The following DDX60 variants were observed in gnomAD, a reference collection of about 807,000 sequenced individuals.
DDX60 encodes DExD/H-box helicase 60.
Under a neutral mutation model 212.8 loss-of-function variants are expected in DDX60, and 165 were observed. The observed-to-expected ratio is 0.78, with a 90% CI of 0.68 to 0.88. The LOEUF (loss-of-function observed/expected upper bound fraction) is 0.88, where lower values mean the gene tolerates loss of function less well. Ranked by LOEUF, DDX60 falls within the 40% of genes least tolerant of loss-of-function variation. DDX60 has a pLI of 0.00. For missense variants in DDX60, 1,905 were observed against 2,003.9 expected (o/e 0.95, Z 0.94); for synonymous variants, 703 against 685.3 (o/e 1.03, Z -0.40).
intron 6 of DDX60, among the ~76,000 whole-genome samples, chr4:168,295,570 C>A (rs1241222797): frequency 6.6e-6 from 1 of 152,190 alleles, no homozygotes; most frequent in African/African-American, 2.4e-5. Context: ...ATGAGGCACC[C>A]CTGGAGTCTC....
At chr4:168,275,206 C>T in intron 16 of DDX60, 139 bp downstream of exon 16, 1 of 825,530 alleles carries the variant, frequency 1.2e-6, no homozygotes, top group Non-Finnish European at 1.8e-6. Context: ...AAATAGTCCA[C>T]ATTTGACATT....
Position 168,273,377 on chromosome 4 carries a change from C to T in DDX60, c.2476G>A (p.Ala826Thr). Residue 826 changes from alanine to threonine, a missense_variant, in exon 18 of 38, where the codon GCA becomes ACA. Transcript: ENST00000393743. ...TTCGTAAAACGATTCTGAACAGTTG[C>T]TGCCACTTGATTAACAAGGGCCTGA... is the stretch of plus-strand genomic sequence containing the variant. ...PTKALVNQVAATVQNRFTKNL... is the reference protein window; with the variant it reads ...PTKALVNQVATTVQNRFTKNL... 2 of 1,613,832 alleles carry T rather than the reference C, an allele frequency of 1.2e-6. No individual in the cohort carries two copies. Among genetic ancestry groups the T allele is most frequent in the Non-Finnish European group, 8.5e-7 (1 of 1,179,830 alleles).
chr4:168,252,419 G>A, intron 27 of DDX60, 90 bp downstream of exon 27: 1 of 1,421,122 alleles, frequency 7.0e-7, no homozygotes, highest in South Asian at 1.2e-5. Context: ...ATTATATTAT[G>A]CATATATCTT....
intron 16 of DDX60, among the ~76,000 whole-genome samples, chr4:168,274,539 A>G (rs1735245968): frequency 6.6e-6 from 1 of 152,192 alleles, no homozygotes; most frequent in Admixed American, 6.5e-5. Flanking sequence ...CTAGCCGAAG[A>G]ATGATAATAA....
At chr4:168,262,856 A>G in intron 22 of DDX60, 69 bp from the exon 23 acceptor site, 1 of 1,066,876 alleles carries the variant, frequency 9.4e-7, no homozygotes, top group Non-Finnish European at 1.3e-6. Context: ...CCTCTTAGTC[A>G]CTATCATAAC....
At chr4:168,248,571 C>G (rs1233213149) in intron 28 of DDX60, among the ~76,000 whole-genome samples, 1 of 152,144 alleles carries the variant, frequency 6.6e-6, no homozygotes, top group African/African-American at 2.4e-5. Flanking sequence ...CTGTAGCTCA[C>G]CACATCCAAA....
chr4:168,267,151 T>TCATGTCGTG (rs2149515480), intron 22 of DDX60, among the ~76,000 whole-genome samples: 1 of 152,284 alleles, frequency 6.6e-6, no homozygotes, highest in South Asian at 2.1e-4. Context: ...ACCAAAAAAA[T>TCATGTCGTG]CATGTCGTGA....
Position 168,276,187 on chromosome 4 carries a change from T to C in DDX60, c.1979-6A>G, listed in dbSNP as rs746899892. On this transcript the variant is annotated splice_region_variant and splice_polypyrimidine_tract_variant and intron_variant, in intron 14 of 37. Transcript: ENST00000393743. ...TAAATCTTTCGTGGTTTTACCTTGA[T>C]AAACAATAAACAATAAAATTGTTAT... is the stretch of plus-strand genomic sequence containing the variant. 2.5e-6 allele frequency: 4 copies of C among 1,578,366 alleles called. No homozygotes were observed. Among genetic ancestry groups the C allele is most frequent in the Admixed American group, 3.6e-5 (2 of 56,302 alleles).
chr4:168,271,929 G>T (rs1287298067), intron 19 of DDX60, 114 bp downstream of exon 19: 12 of 795,882 alleles, frequency 1.5e-5, no homozygotes, highest in African/African-American at 3.5e-5. Flanking sequence ...AAAAACGGAG[G>T]CCTTCTCAAT....
chr4:168,284,769 G>A, intron 12 of DDX60, 51 bp downstream of exon 12: 2 of 885,410 alleles, frequency 2.3e-6, no homozygotes, highest in South Asian at 5.4e-5. Context: ...AAAATAAGAG[G>A]CAGAGAGTAA....
chr4:168,233,775 G>A (rs1368564256), intron 33 of DDX60, among the ~76,000 whole-genome samples: 2 of 152,114 alleles, frequency 1.3e-5, no homozygotes, highest in South Asian at 4.1e-4. Flanking sequence ...CTTAGGTGAT[G>A]GGTGCACCAA....
chr4:168,225,472 T>C lies in DDX60; in HGVS notation c.4681+57A>G, dbSNP rs866447833. 6.7e-6 allele frequency: 10 copies of C among 1,503,524 alleles called. No individual in the cohort carries two copies. The South Asian group carries it at 1.3e-4, about 19-fold the overall frequency. The allele number at this position is 1,503,524 out of a possible 1,614,324, so 93.1% of individuals were successfully genotyped here. On this transcript the variant is annotated intron_variant, in intron 34 of 37. Transcript: ENST00000393743. ...ACTCTTCTTCCAGAATAAACTATTC[T>C]TAGGCAAGATTATTTATTCTTCAAA...
chr4:168,263,998 G>T (rs144540810), intron 22 of DDX60, among the ~76,000 whole-genome samples: 1 of 152,150 alleles, frequency 6.6e-6, no homozygotes, highest in East Asian at 1.9e-4. Flanking sequence ...TTTGACAATA[G>T]GGCACTTGCT....
chr4:168,278,739 G>A (rs1005865504), intron 14 of DDX60, among the ~76,000 whole-genome samples: 31 of 152,214 alleles, frequency 2.0e-4, no homozygotes, highest in Admixed American at 5.9e-4. Flanking sequence ...TGAGGCAGCA[G>A]AATAGCTTGA....
At chr4:168,284,532 T>C (rs1213496232) in intron 12 of DDX60, among the ~76,000 whole-genome samples, 1 of 152,194 alleles carries the variant, frequency 6.6e-6, no homozygotes, top group Non-Finnish European at 1.5e-5. Context: ...GGTCTCAATA[T>C]ATATGACTCC....
chr4:168,262,504 C>T (rs907116308), intron 23 of DDX60, among the ~76,000 whole-genome samples, 179 bp downstream of exon 23: 4 of 147,880 alleles, frequency 2.7e-5, no homozygotes, highest in Admixed American at 2.7e-4. Flanking sequence ...AAATAAAATA[C>T]AAATTAAAAC....
intron 16 of DDX60, 71 bp from the exon 17 acceptor site, chr4:168,274,154 T>C (rs1281771323): frequency 1.3e-6 from 2 of 1,576,424 alleles, no homozygotes; most frequent in Non-Finnish European, 1.7e-6. Flanking sequence ...ACAGTATTTA[T>C]AGACTTCCAA....
intron 5 of DDX60, among the ~76,000 whole-genome samples, chr4:168,302,628 G>C (rs1336365163): frequency 6.6e-6 from 1 of 152,080 alleles, no homozygotes; most frequent in African/African-American, 2.4e-5. Context: ...AGCGTATTTT[G>C]TTTTTTAACA....
chr4:168,250,873 G>A (rs1734196583), intron 28 of DDX60, 81 bp downstream of exon 28: 1 of 1,209,056 alleles, frequency 8.3e-7, no homozygotes, highest in East Asian at 2.4e-5. Flanking sequence ...GAAAAATGGT[G>A]GTTGTATTCT....
Sources: gnomAD v4.1 joint callset for allele counts (sites outside exome capture counted in the v4.1 genomes callset) on GRCh38, gnomAD v4.1.1 for gene constraint, MANE v1.5 for transcripts, NCBI Gene and HGNC (gene_info 2026-07-23, HGNC 2026-07-21) for gene names.